DHRSX: variants seen among roughly 807,000 people sequenced by gnomAD.
The protein encoded by DHRSX is polyprenol dehydrogenase.
DHRSX carries 31 observed loss-of-function variants against 34.0 expected under a neutral mutation model. The observed-to-expected ratio is 0.91, with a 90% CI of 0.69 to 1.23. The LOEUF (loss-of-function observed/expected upper bound fraction) is 1.23, where lower values mean the gene tolerates loss of function less well. Ranked by LOEUF, DHRSX falls within the 50% of genes most tolerant of loss-of-function variation. The pLI is 0.00. For missense variants in DHRSX, 414 were observed against 428.1 expected (o/e 0.97, Z 0.29); for synonymous variants, 201 against 183.8 (o/e 1.09, Z -0.76).
intron 3 of DHRSX, among the ~76,000 whole-genome samples, chrX:2,346,249 C>G (rs2124568221): frequency 3.2e-5 from 1 of 30,856 alleles, no homozygotes; most frequent in Non-Finnish European, 2.6e-4. Context: ...GTGCATCTGA[C>G]ATGCCCGAGT....
intron 3 of DHRSX, among the ~76,000 whole-genome samples, chrX:2,304,116 GAT>G (rs2042062280): frequency 1.4e-5 from 1 of 69,274 alleles, no homozygotes; most frequent in Non-Finnish European, 5.0e-5. Flanking sequence ...TAGATGGATG[GAT>G]GGATAAATGG....
At chrX:2,268,104 A>G (rs1026813264) in intron 4 of DHRSX, among the ~76,000 whole-genome samples, 2 of 152,146 alleles carry the variant, frequency 1.3e-5, no homozygotes, top group African/African-American at 4.8e-5. Context: ...TCATCATTCT[A>G]TAGACATCAT....
chrX:2,425,078 T>A, intron 2 of DHRSX, 119 bp downstream of exon 2: 1 of 735,718 alleles, frequency 1.4e-6, no homozygotes. Context: ...AGGTGGAGGC[T>A]GCAGTGAGCC....
intron 3 of DHRSX, among the ~76,000 whole-genome samples, chrX:2,380,301 A>G (rs1437762999): frequency 5.4e-5 from 2 of 37,312 alleles, no homozygotes; most frequent in Non-Finnish European, 1.3e-4. Flanking sequence ...ACTCCGTCTC[A>G]AAAAAAAAAA....
At chrX:2,432,018 G>A (rs774875747) in intron 1 of DHRSX, among the ~76,000 whole-genome samples, 57 of 151,942 alleles carry the variant, frequency 3.8e-4, no homozygotes, top group Non-Finnish European at 6.3e-4. Context: ...TGGTGAAACC[G>A]CATCTCTACT....
At chrX:2,332,111 G>A (rs2042486187) in intron 3 of DHRSX, among the ~76,000 whole-genome samples, 1 of 152,168 alleles carries the variant, frequency 6.6e-6, no homozygotes, top group African/African-American at 2.4e-5. Flanking sequence ...CATTCACTAA[G>A]TGCTCAATAA....
chrX:2,265,520 C>T (rs1460606921), intron 5 of DHRSX, among the ~76,000 whole-genome samples: 2 of 79,476 alleles, frequency 2.5e-5, no homozygotes, highest in African/African-American at 5.1e-5. Flanking sequence ...GCACCAGTGT[C>T]CAGCAGATGC....
intron 1 of DHRSX, among the ~76,000 whole-genome samples, chrX:2,481,071 CTTGA>C (rs1465293679): frequency 1.2e-4 from 18 of 152,134 alleles, no homozygotes; most frequent in East Asian, 9.7e-4. Flanking sequence ...TGTTAATTAG[CTTGA>C]TTATTGATAT....
intron 4 of DHRSX, among the ~76,000 whole-genome samples, chrX:2,276,621 G>C (rs1602855755): frequency 6.6e-6 from 1 of 152,088 alleles, no homozygotes; most frequent in East Asian, 1.9e-4. Flanking sequence ...TATTGTGCCT[G>C]AAGCAGTGAA....
At chrX:2,288,261 G>A (rs2041828392) in intron 4 of DHRSX, among the ~76,000 whole-genome samples, 1 of 152,150 alleles carries the variant, frequency 6.6e-6, no homozygotes, top group Non-Finnish European at 1.5e-5. Flanking sequence ...TTGAGATGGA[G>A]TTTTGCTCTT....
chrX:2,453,390 A>T (rs1165766800), intron 1 of DHRSX, among the ~76,000 whole-genome samples: 1 of 151,920 alleles, frequency 6.6e-6, no homozygotes, highest in Admixed American at 6.6e-5. Context: ...ACAAAAAATT[A>T]GCTGGGTATG....
chrX:2,266,338 A>G (rs1232548964), intron 5 of DHRSX, among the ~76,000 whole-genome samples: 4 of 144,416 alleles, frequency 2.8e-5, no homozygotes, highest in African/African-American at 5.3e-5. Flanking sequence ...CACAGGGAGC[A>G]CTGTCCCCAG....
At chrX:2,386,771 TC>T (rs1397351043) in intron 3 of DHRSX, among the ~76,000 whole-genome samples, 2 of 152,192 alleles carry the variant, frequency 1.3e-5, no homozygotes, top group Non-Finnish European at 2.9e-5. Flanking sequence ...TCTTTCTTGT[TC>T]CAATTCATGC....
At chrX:2,442,962 T>C (rs1224592919) in intron 1 of DHRSX, among the ~76,000 whole-genome samples, 1 of 152,158 alleles carries the variant, frequency 6.6e-6, no homozygotes, top group Non-Finnish European at 1.5e-5. Context: ...GACTTGTGTG[T>C]GTGTCAATCT....
At chrX:2,499,916 G>A (rs1343830533) in intron 1 of DHRSX, among the ~76,000 whole-genome samples, 2 of 152,000 alleles carry the variant, frequency 1.3e-5, no homozygotes, top group Non-Finnish European at 2.9e-5. Context: ...AGTAGCTGGT[G>A]CCTGTAATGC....
intron 1 of DHRSX, among the ~76,000 whole-genome samples, chrX:2,474,877 C>A (rs772823955): frequency 3.9e-5 from 6 of 151,976 alleles, no homozygotes; most frequent in Admixed American, 1.3e-4. Context: ...TTAAGACGTT[C>A]CCTAAGAATG....
intron 1 of DHRSX, among the ~76,000 whole-genome samples, chrX:2,446,438 G>C (rs1036750760): frequency 6.6e-6 from 1 of 150,690 alleles, no homozygotes; most frequent in Non-Finnish European, 1.5e-5. Context: ...CCCAAGGGAC[G>C]ACAGCTGTGT....
At chrX:2,331,316 G>C (rs1197190815) in intron 3 of DHRSX, among the ~76,000 whole-genome samples, 1 of 151,348 alleles carries the variant, frequency 6.6e-6, no homozygotes, top group Non-Finnish European at 1.5e-5. Flanking sequence ...TGTCATTCAT[G>C]AATATTGGAA....
chrX:2,314,228 AGGGAG>A lies in DHRSX; in HGVS notation c.287-22630_287-22626del, dbSNP rs1241522791. Among the ~76,000 whole-genome samples, 43 of 13,780 alleles carry A rather than the reference AGGGAG, an allele frequency of 3.1e-3. 1 individual carries two copies. The highest frequency in any genetic ancestry group is 6.0e-3 in the African/African-American group (10 of 1,660). The allele number at this position is 13,780 out of a possible 152,430, so 9.0% of individuals were successfully genotyped here. ...AGAGAGGGAGGGAAGGAGGGAAGGA[AGGGAG>A]GGAGGGAAGGAAGGGAGGGAAGGAG... On this transcript the variant is annotated intron_variant, in intron 3 of 6. Transcript: ENST00000334651.
Sources: allele counts gnomAD v4.1 joint callset (sites outside exome capture counted in the v4.1 genomes callset), GRCh38; gene constraint gnomAD v4.1.1; transcripts MANE v1.5; gene names NCBI Gene and HGNC (gene_info 2026-07-23, HGNC 2026-07-21).